Variants in AGK observed in about 807,000 individuals in gnomAD.
The protein encoded by AGK is acylglycerol kinase, mitochondrial.
AGK carries 52 observed loss-of-function variants against 66.4 expected under a neutral mutation model. The observed-to-expected ratio is 0.78, with a 90% CI of 0.63 to 0.99. AGK has a LOEUF of 0.99. Among genes scored for constraint, AGK ranks in the 50% least tolerant of loss-of-function variants. AGK has a pLI of 0.00. For missense variants in AGK, 451 were observed against 506.6 expected (o/e 0.89, Z 1.05); for synonymous variants, 182 against 181.1 (o/e 1.00, Z -0.04).
chr7:141,636,928 CT>C, intron 10 of AGK, 31 bp from the exon 11 acceptor site: 1 of 1,571,210 alleles, frequency 6.4e-7, no homozygotes, highest in Non-Finnish European at 8.7e-7. Context: ...TTTTGATATT[CT>C]TATCAGATTT....
intron 4 of AGK, among the ~76,000 whole-genome samples, chr7:141,599,696 G>A (rs75014550): frequency 0.043 from 6,519 of 152,174 alleles, 179 homozygotes; most frequent in African/African-American, 0.073. Flanking sequence ...AGCAACCCTG[G>A]AAGGAGAATT....
At chr7:141,569,633 C>T (rs1323870351) in intron 2 of AGK, among the ~76,000 whole-genome samples, 1 of 152,250 alleles carries the variant, frequency 6.6e-6, no homozygotes, top group Non-Finnish European at 1.5e-5. Flanking sequence ...TAACTCATTT[C>T]ATCTTCCTTA....
intron 8 of AGK, among the ~76,000 whole-genome samples, chr7:141,619,748 C>A (rs1002853640): frequency 2.0e-5 from 3 of 150,716 alleles, no homozygotes; most frequent in African/African-American, 7.3e-5. Context: ...GGTGCAAATA[C>A]GAAATGGTAG....
At chr7:141,586,628 A>G (rs1795999918) in intron 2 of AGK, among the ~76,000 whole-genome samples, 1 of 152,128 alleles carries the variant, frequency 6.6e-6, no homozygotes, top group Admixed American at 6.5e-5. Context: ...CATGGGTTGT[A>G]TTGTGCTTGG....
intron 9 of AGK, among the ~76,000 whole-genome samples, chr7:141,623,317 T>G (rs1796863991): frequency 6.8e-6 from 1 of 147,808 alleles, no homozygotes; most frequent in African/African-American, 2.5e-5. Context: ...AGGCAGAGGT[T>G]GCGGTGAGCC....
chr7:141,618,755 T>C (rs1435392978), intron 8 of AGK, among the ~76,000 whole-genome samples: 1 of 152,166 alleles, frequency 6.6e-6, no homozygotes, highest in East Asian at 1.9e-4. Context: ...CATAGCAGAA[T>C]AGATTAGGAG....
chr7:141,603,425 T>C (rs1796383587), intron 5 of AGK, among the ~76,000 whole-genome samples: 1 of 152,246 alleles, frequency 6.6e-6, no homozygotes, highest in Non-Finnish European at 1.5e-5. Flanking sequence ...TAGTCTATCT[T>C]ATCTAGTACT....
chr7:141,640,756 A>G (rs1241350380), intron 11 of AGK, among the ~76,000 whole-genome samples: 10 of 152,112 alleles, frequency 6.6e-5, no homozygotes, highest in Admixed American at 6.5e-4. Context: ...GAAGACAAAA[A>G]AAATTAGAGT....
intron 4 of AGK, 74 bp downstream of exon 4, chr7:141,596,715 A>G: frequency 7.5e-7 from 1 of 1,334,866 alleles, no homozygotes; most frequent in Non-Finnish European, 1.1e-6. Flanking sequence ...TCAGGCAGCT[A>G]GTGAGATTGT....
chr7:141,634,360 G>A (rs957461437), intron 10 of AGK, among the ~76,000 whole-genome samples: 25 of 152,282 alleles, frequency 1.6e-4, no homozygotes, highest in Non-Finnish European at 2.8e-4. Flanking sequence ...ACAGCCTTAC[G>A]GAGCTGTTGC....
intron 2 of AGK, among the ~76,000 whole-genome samples, chr7:141,581,982 C>A (rs546186021): frequency 6.6e-6 from 1 of 151,932 alleles, no homozygotes; most frequent in East Asian, 1.9e-4. Flanking sequence ...GGGTAGCCTC[C>A]GTATTGATTA....
intron 8 of AGK, among the ~76,000 whole-genome samples, chr7:141,619,023 C>A (rs773999668): frequency 6.6e-6 from 1 of 151,926 alleles, no homozygotes; most frequent in African/African-American, 2.4e-5. Flanking sequence ...ATGATGGAAA[C>A]TACAAATCAG....
At chr7:141,569,726 A>G (rs978052186) in intron 2 of AGK, among the ~76,000 whole-genome samples, 2 of 152,162 alleles carry the variant, frequency 1.3e-5, no homozygotes, top group Non-Finnish European at 2.9e-5. Context: ...GGGCAGCAAG[A>G]TGAAGTAATT....
intron 2 of AGK, among the ~76,000 whole-genome samples, chr7:141,578,837 A>G (rs1203425537): frequency 6.6e-6 from 1 of 152,044 alleles, no homozygotes; most frequent in African/African-American, 2.4e-5. Context: ...AGGACATCCA[A>G]TTAGAGAGTG....
At chr7:141,563,459 G>C (rs989437490) in intron 2 of AGK, among the ~76,000 whole-genome samples, 1 of 152,134 alleles carries the variant, frequency 6.6e-6, no homozygotes, top group African/African-American at 2.4e-5. Flanking sequence ...TTCAGCTTAG[G>C]CTTTGGCGCC....
At chr7:141,565,891 G>A (rs151042766) in intron 2 of AGK, among the ~76,000 whole-genome samples, 4 of 152,110 alleles carry the variant, frequency 2.6e-5, no homozygotes, top group Non-Finnish European at 4.4e-5. Flanking sequence ...TTTGGATACC[G>A]TTGCTAGAGT....
intron 2 of AGK, among the ~76,000 whole-genome samples, chr7:141,578,527 G>A (rs1795804711): frequency 6.6e-6 from 1 of 151,784 alleles, no homozygotes; most frequent in African/African-American, 2.4e-5. Context: ...GTATCGAAGT[G>A]TTGGGGCAGC....
chr7:141,602,625 G>A (rs1228137082), intron 5 of AGK, among the ~76,000 whole-genome samples: 2 of 151,804 alleles, frequency 1.3e-5, no homozygotes, highest in Non-Finnish European at 2.9e-5. Flanking sequence ...CCCTTGCCAA[G>A]AACCGTTTTT....
chr7:141,604,820 G>C (rs1243436362), intron 5 of AGK, among the ~76,000 whole-genome samples: 1 of 151,884 alleles, frequency 6.6e-6, no homozygotes, highest in Non-Finnish European at 1.5e-5. Context: ...TTGACCTCGT[G>C]ATCTGCCTGC....
Sources: gnomAD v4.1 joint callset for allele counts (sites outside exome capture counted in the v4.1 genomes callset) on GRCh38, gnomAD v4.1.1 for gene constraint, MANE v1.5 for transcripts, NCBI Gene and HGNC (gene_info 2026-07-23, HGNC 2026-07-21) for gene names.